TBCE: variants seen among roughly 807,000 people sequenced by gnomAD.
TBCE encodes the protein tubulin folding cofactor E, also known as tubulin-specific chaperone E.
In TBCE, 53 loss-of-function variants were observed where a neutral mutation model predicts 77.0. The observed-to-expected ratio is 0.69, with a 90% confidence interval of 0.55 to 0.87. TBCE has a LOEUF of 0.87. Among genes scored for constraint, TBCE ranks in the 40% least tolerant of loss-of-function variants. TBCE has a pLI of 0.00. For synonymous variants in TBCE, 235 were observed against 241.3 expected, an observed-to-expected ratio of 0.97 and a Z score of 0.24; for missense variants, 624 against 622.4, an observed-to-expected ratio of 1.00 and a Z score of -0.03.
At chr1:235,417,796 G>A (rs1254884719) in intron 4 of TBCE, among the ~76,000 whole-genome samples, 3 of 151,948 alleles carry the variant, frequency 2.0e-5, no homozygotes, top group African/African-American at 7.2e-5. Context: ...TTTGTTTTGA[G>A]ACAGAGTTTC....
chr1:235,448,520 C>A (rs1177150853), intron 16 of TBCE, 80 bp downstream of exon 16: 4 of 1,451,664 alleles, frequency 2.8e-6, no homozygotes, highest in Admixed American at 1.7e-5. Flanking sequence ...TAGATAGCAA[C>A]AGTTTGATTC....
chr1:235,417,769 G>T (rs973303554), intron 4 of TBCE, among the ~76,000 whole-genome samples: 80 of 134,768 alleles, frequency 5.9e-4, no homozygotes, highest in Admixed American at 2.6e-3. Flanking sequence ...TCTTTTTTTT[G>T]TTGTTGTTTC....
intron 2 of TBCE, among the ~76,000 whole-genome samples, chr1:235,380,848 C>T (rs868002187): frequency 1.3e-5 from 2 of 151,998 alleles, no homozygotes; most frequent in Non-Finnish European, 2.9e-5. Context: ...TGTAGTGGTG[C>T]GATGTTGGCT....
chr1:235,374,378 G>C (rs1677163674), intron 1 of TBCE, among the ~76,000 whole-genome samples: 2 of 146,506 alleles, frequency 1.4e-5, no homozygotes. Flanking sequence ...ATCAGTTACA[G>C]AGGAAAACTG....
chr1:235,448,864 G>C lies in TBCE; in HGVS notation c.*102G>C. ...CAATTCTACTGTCAAAACAAAGGGG[G>C]TTTACAACTTGTCCTAAGTATAACA... On this transcript the variant is annotated 3_prime_UTR_variant, in exon 17 of 17. Transcript: ENST00000642610. The C allele has an allele frequency of 1.1e-6, 1 of 896,370 alleles. No individual in the cohort carries two copies. 55.5% of individuals were successfully genotyped at this position (896,370 alleles called of 1,614,324 possible). A position where few individuals can be genotyped will look rare whatever the true frequency, so the allele number is the denominator to read the frequency against.
intron 4 of TBCE, among the ~76,000 whole-genome samples, chr1:235,416,859 T>C (rs1680141138): frequency 6.6e-6 from 1 of 152,190 alleles, no homozygotes; most frequent in African/African-American, 2.4e-5. Context: ...AGTGTTGGAG[T>C]TAGGCTGGGT....
intron 14 of TBCE, among the ~76,000 whole-genome samples, chr1:235,442,084 T>G (rs1176841536): frequency 6.6e-6 from 1 of 151,862 alleles, no homozygotes; most frequent in African/African-American, 2.4e-5. Flanking sequence ...CTCAGCTCAT[T>G]GCAACCTCCG....
Position 235,427,571 on chromosome 1 carries a change from C to T in TBCE, c.560+332C>T, listed in dbSNP as rs550314647. Among the ~76,000 whole-genome samples the T allele has an allele frequency of 3.9e-5, 6 of 152,230 alleles. No homozygotes were observed. The East Asian group carries it at 1.2e-3, about 29-fold the overall frequency. On this transcript the variant is annotated intron_variant, in intron 6 of 16. Transcript: ENST00000642610. ...CCCTTCTCTTTTCCAGCCACGTGTA[C>T]AGTAAGGAGCAGACAAGATGGTGCC... is the stretch of plus-strand genomic sequence containing the variant.
chr1:235,395,164 A>C (rs1678648168), intron 2 of TBCE, among the ~76,000 whole-genome samples: 1 of 152,202 alleles, frequency 6.6e-6, no homozygotes, highest in South Asian at 2.1e-4. Context: ...ATAAATTTTC[A>C]ACTTATTTGG....
chr1:235,424,063 G>A (rs1234670811), intron 5 of TBCE, among the ~76,000 whole-genome samples: 2 of 152,150 alleles, frequency 1.3e-5, no homozygotes, highest in East Asian at 1.9e-4. Flanking sequence ...CACGTTTTAT[G>A]TATGTTTGAT....
intron 2 of TBCE, among the ~76,000 whole-genome samples, chr1:235,391,324 G>C (rs1453180455): frequency 6.6e-6 from 1 of 151,574 alleles, no homozygotes; most frequent in Non-Finnish European, 1.5e-5. Flanking sequence ...TCTACTAACA[G>C]TACAAAAAAA....
At chr1:235,433,807 C>A (rs1375893200) in intron 7 of TBCE, 2 of 176,356 alleles carry the variant, frequency 1.1e-5, no homozygotes, top group African/African-American at 2.4e-5. Flanking sequence ...TTAGCATATC[C>A]TTTACAAACC....
intron 2 of TBCE, among the ~76,000 whole-genome samples, chr1:235,383,726 T>C (rs1459744873): frequency 6.6e-6 from 1 of 152,186 alleles, no homozygotes; most frequent in Admixed American, 6.6e-5. Context: ...GCTGAGACAG[T>C]GGGGTTTTCT....
Position 235,449,121 on chromosome 1 carries a change from A to T in TBCE, c.*359A>T. On this transcript the variant is annotated 3_prime_UTR_variant, in exon 17 of 17. Transcript: ENST00000642610. ...AAGACTAGTTTTAATGGAATTCTCT[A>T]TTGAAACTACTATTTTAAAGGGTTA... The T allele has an allele frequency of 1.4e-5, 4 of 283,928 alleles. No individual in the cohort carries two copies. In the South Asian group the frequency reaches 1.4e-4, roughly 10 times the overall value. 17.6% of individuals were successfully genotyped at this position (283,928 alleles called of 1,614,324 possible).
chr1:235,407,514 C>T (rs1176161145), intron 3 of TBCE, among the ~76,000 whole-genome samples: 1 of 152,162 alleles, frequency 6.6e-6, no homozygotes, highest in East Asian at 1.9e-4. Flanking sequence ...TAAGATTAGT[C>T]TTAGAGTCAC....
chr1:235,448,267 T>A, intron 15 of TBCE, 82 bp from the exon 16 acceptor site: 1 of 939,870 alleles, frequency 1.1e-6, no homozygotes, highest in Non-Finnish European at 1.7e-6. Context: ...ATTGCAATGA[T>A]ACTGTGGTCT....
rs751000054 is a variant in TBCE at position 235,433,077 on chromosome 1, C to T, written c.661-1127C>T. ...TCATCAGTGCCAAGGACCACACATC[C>T]ATGCGGATGAACGTGGCCAAGGCCA... On this transcript the variant is annotated intron_variant, in intron 7 of 16. Coordinates refer to ENST00000642610, the MANE Select transcript of TBCE (RefSeq NM_003193.5). The T allele has an allele frequency of 1.5e-5, 24 of 1,552,622 alleles. No individual in the cohort carries two copies. In the East Asian group the frequency reaches 5.5e-4, roughly 35 times the overall value.
intron 3 of TBCE, among the ~76,000 whole-genome samples, chr1:235,404,764 C>T (rs528975986): frequency 5.3e-5 from 8 of 150,960 alleles, no homozygotes; most frequent in Non-Finnish European, 1.0e-4. Flanking sequence ...TGGGTTCCAA[C>T]GATTCTCTTG....
At chr1:235,415,032 C>T in intron 4 of TBCE, 1 of 251,546 alleles carries the variant, frequency 4.0e-6, no homozygotes, top group Non-Finnish European at 7.9e-6. Flanking sequence ...TAGTTCTCAC[C>T]TCGGGCTGCA....
Sources: gnomAD v4.1 joint callset for allele counts (sites outside exome capture counted in the v4.1 genomes callset) on GRCh38, gnomAD v4.1.1 for gene constraint, MANE v1.5 for transcripts, NCBI Gene and HGNC (gene_info 2026-07-23, HGNC 2026-07-21) for gene names.